The following IFT140 variants were observed in gnomAD, a reference collection of about 807,000 sequenced individuals.
The protein encoded by IFT140 is intraflagellar transport 140.
A neutral mutation model predicts 164.6 loss-of-function variants in IFT140; 133 were observed. The ratio of observed to expected loss-of-function variants is 0.81; its 90% CI spans 0.70 to 0.93. The LOEUF (loss-of-function observed/expected upper bound fraction) is 0.93. Among genes scored for constraint, IFT140 ranks in the 40% least tolerant of loss-of-function variants. The pLI, the probability that IFT140 is intolerant of heterozygous loss-of-function variation, is 0.00. For synonymous variants in IFT140, 860 were observed against 817.3 expected, an observed-to-expected ratio of 1.05 and a Z score of -0.89; for missense variants, 2,045 against 1,972.3, an observed-to-expected ratio of 1.04 and a Z score of -0.70.
intron 14 of IFT140, 89 bp from the exon 15 acceptor site, chr16:1,568,423 T>A: frequency 9.5e-7 from 1 of 1,053,786 alleles, no homozygotes; most frequent in Non-Finnish European, 1.4e-6. Flanking sequence ...ACCGGATGAG[T>A]GCTGCACAGC....
chr16:1,521,396 A>T (rs923926080), intron 26 of IFT140, among the ~76,000 whole-genome samples: 5 of 142,386 alleles, frequency 3.5e-5, no homozygotes, highest in South Asian at 2.2e-4. Context: ...AAATATATAT[A>T]TTTTTTTCTG....
At chr16:1,593,352 C>T (rs551231248) in intron 4 of IFT140, among the ~76,000 whole-genome samples, 9 of 151,444 alleles carry the variant, frequency 5.9e-5, no homozygotes, top group South Asian at 4.2e-4. Flanking sequence ...CACTTTGTCA[C>T]TCAGGCTGGA....
chr16:1,537,498 C>T (rs1024929321), intron 19 of IFT140, among the ~76,000 whole-genome samples: 6 of 152,228 alleles, frequency 3.9e-5, no homozygotes, highest in African/African-American at 1.4e-4. Flanking sequence ...AGCCCGGTCT[C>T]GACTTCATCC....
At position 1,520,900 on chromosome 16, in the gene IFT140, C is replaced by G. The variant is rs1451432592; in HGVS notation, c.3454-92G>C. On this transcript the variant is annotated intron_variant, in intron 26 of 30. Transcript: ENST00000426508. ...GCCACCGCTTCAGAGGAAACCAGGCCCCTCGGCTCAGCGGCGGCTTCTGTC... is the reference window on the plus strand; with the variant it reads ...GCCACCGCTTCAGAGGAAACCAGGCGCCTCGGCTCAGCGGCGGCTTCTGTC... 1.4e-5 allele frequency: 17 copies of G among 1,249,398 alleles called. No homozygotes were observed. The Admixed American group carries it at 1.5e-4, about 11-fold the overall frequency. 77.4% of individuals were successfully genotyped at this position (1,249,398 alleles called of 1,614,324 possible).
chr16:1,602,809 G>A (rs1377338466), intron 3 of IFT140, among the ~76,000 whole-genome samples: 6 of 152,026 alleles, frequency 3.9e-5, no homozygotes, highest in African/African-American at 9.7e-5. Flanking sequence ...GTGTGATGGC[G>A]GGCGTCTGTA....
chr16:1,526,120 C>A lies in IFT140; in HGVS notation c.2578-43G>T, dbSNP rs534973963. Reference sequence around the variant, plus strand: ...GCAGGTGTCGTGCAGCCTCCACACACCCACGTCTCAAACACACTGTTCCAC... The same window carrying A: ...GCAGGTGTCGTGCAGCCTCCACACAACCACGTCTCAAACACACTGTTCCAC... On this transcript the variant is annotated intron_variant, in intron 20 of 30. Coordinates refer to ENST00000426508, the MANE Select transcript of IFT140 (RefSeq NM_014714.4). The A allele has an allele frequency of 4.6e-5, 70 of 1,520,610 alleles. No individual in the cohort carries two copies. In the Middle Eastern group the frequency reaches 8.6e-4, roughly 19 times the overall value. The allele number at this position is 1,520,610 out of a possible 1,614,324, so 94.2% of individuals were successfully genotyped here. A position where few individuals can be genotyped will look rare whatever the true frequency, so the allele number is the denominator to read the frequency against.
At chr16:1,605,594 C>T (rs1458181595) in intron 3 of IFT140, among the ~76,000 whole-genome samples, 2 of 152,084 alleles carry the variant, frequency 1.3e-5, no homozygotes, top group African/African-American at 2.4e-5. Flanking sequence ...TTAGTGGAGA[C>T]GGGGTTTCAC....
intron 13 of IFT140, among the ~76,000 whole-genome samples, chr16:1,572,916 T>C (rs1216942444): frequency 6.6e-6 from 1 of 152,128 alleles, no homozygotes; most frequent in Non-Finnish European, 1.5e-5. Context: ...GCTGAATGCA[T>C]CCTGGGGCCA....
At chr16:1,571,863 T>C (rs1280311993) in intron 13 of IFT140, among the ~76,000 whole-genome samples, 1 of 152,026 alleles carries the variant, frequency 6.6e-6, no homozygotes, top group Non-Finnish European at 1.5e-5. Context: ...GTAAGTGCCA[T>C]GTAGGTAAAG....
At chr16:1,604,317 G>GTGTGTGTGTGTGTGTGTGTGT (rs10701132) in intron 3 of IFT140, 22 of 124,994 alleles carry the variant, frequency 1.8e-4, no homozygotes, top group Admixed American at 3.9e-4. Context: ...GTGTGTGTGT[G>GTGTGTGTGTGTGTGTGTGTGT]GAGGGGGGAG....
At chr16:1,525,406 G>A (rs1163016140) in intron 21 of IFT140, 80 bp from the exon 22 acceptor site, 3 of 1,061,142 alleles carry the variant, frequency 2.8e-6, no homozygotes, top group African/African-American at 3.1e-5. Context: ...GGGCAGCGTC[G>A]GTGAAACGCA....
At chr16:1,608,104 GA>G (rs2036167064) in intron 2 of IFT140, among the ~76,000 whole-genome samples, 1 of 152,154 alleles carries the variant, frequency 6.6e-6, no homozygotes, top group Non-Finnish European at 1.5e-5. Flanking sequence ...CTCTATTAGA[GA>G]GTCAAGAATG....
At position 1,551,560 on chromosome 16, in the gene IFT140, C is replaced by T. The variant is rs751861760; in HGVS notation, c.2399+6375G>A. On this transcript the variant is annotated intron_variant, in intron 19 of 30. Transcript: ENST00000426508. The surrounding 1 kb of genome is among the most constrained non-coding windows in gnomAD (Gnocchi z 4.0). ...GAGTTTCATACAGATCAGGGTGCAG[C>T]GGTGGAGGGAGGGCCGCCTGCATCA... 2.6e-5 allele frequency among the ~76,000 whole-genome samples: 4 copies of T among 152,152 alleles called. No individual in the cohort carries two copies. The highest frequency in any genetic ancestry group is 6.5e-5 in the Admixed American group (1 of 15,280).
chr16:1,554,116 C>T (rs963536261), intron 19 of IFT140: 55 of 1,287,004 alleles, frequency 4.3e-5, no homozygotes, highest in Middle Eastern at 3.2e-4. Flanking sequence ...AGCACTGACT[C>T]GGAAGTGAGG....
intron 15 of IFT140, among the ~76,000 whole-genome samples, chr16:1,568,002 G>A (rs1596379211): frequency 6.6e-6 from 1 of 152,220 alleles, no homozygotes; most frequent in South Asian, 2.1e-4. Flanking sequence ...AGGTCGGGGA[G>A]GAACAGAGGC....
intron 3 of IFT140, 56 bp downstream of exon 3, chr16:1,607,064 C>A: frequency 6.3e-7 from 1 of 1,580,694 alleles, no homozygotes; most frequent in Non-Finnish European, 8.7e-7. Flanking sequence ...AACAGCAACA[C>A]AAACAACATG....
rs551776962 is a variant in IFT140, at chr16:1,548,210, G to A, written c.2399+9725C>T. 2.0e-5 allele frequency among the ~76,000 whole-genome samples: 3 copies of A among 152,276 alleles called. No homozygotes were observed. In the South Asian group the frequency reaches 6.2e-4, roughly 32 times the overall value. ...ACTTGAGGTGGCCAGGGGGCCGTCT[G>A]CTCCGCATAGATTCTCTTTAGAGCC... On this transcript the variant is annotated intron_variant, in intron 19 of 30. Coordinates refer to ENST00000426508, the MANE Select transcript of IFT140 (RefSeq NM_014714.4).
intron 22 of IFT140, 122 bp downstream of exon 22, chr16:1,525,109 C>T (rs1232757897): frequency 8.6e-6 from 10 of 1,158,286 alleles, no homozygotes; most frequent in African/African-American, 3.0e-5. Context: ...TCTGAGGAGC[C>T]GGGAGGACGC....
intron 18 of IFT140, among the ~76,000 whole-genome samples, 162 bp from the exon 19 acceptor site, chr16:1,558,296 C>G (rs1454394321): frequency 3.9e-5 from 6 of 152,212 alleles, no homozygotes; most frequent in African/African-American, 1.4e-4. Context: ...GCCCTGAAAA[C>G]TTTTAGGGTC....
Sources: gnomAD v4.1 joint callset for allele counts (sites outside exome capture counted in the v4.1 genomes callset) on GRCh38, gnomAD v4.1.1 for gene constraint, Gnocchi (gnomAD v3.1) non-coding constraint, MANE v1.5 for transcripts, NCBI Gene and HGNC (gene_info 2026-07-23, HGNC 2026-07-21) for gene names.